Variants in MAP3K6 observed in about 807,000 individuals in gnomAD.
The protein encoded by MAP3K6 is mitogen-activated protein kinase kinase kinase 6, also known as apoptosis signal-regulating kinase 2.
Under a neutral mutation model 147.1 loss-of-function variants are expected in MAP3K6, and 105 were observed. The ratio of observed to expected loss-of-function variants is 0.71; its 90% confidence interval spans 0.61 to 0.84. The LOEUF is 0.84. MAP3K6 is among the 40% of genes least tolerant of loss of function. MAP3K6 has a pLI of 0.00. For missense variants in MAP3K6, 1,569 were observed against 1,715.0 expected (o/e 0.91, Z 1.50); for synonymous variants, 695 against 732.4 (o/e 0.95, Z 0.82).
At position 27,363,504 on chromosome 1, in the gene MAP3K6, C is replaced by G. The variant is rs757517058; in HGVS notation, c.909G>C (p.Leu303Phe). 3.1e-6 allele frequency: 5 copies of G among 1,613,682 alleles called. No individual in the cohort carries two copies. The highest frequency in any genetic ancestry group is 1.7e-5 in the Admixed American group (1 of 59,956). ...IIELVETLQA[L>F]PTCDVAEQHN... ...GCTGCTCGGCCACATCACAGGTGGG[C>G]AAGGCCTGCAGCGTCTCCACCAGCT... Residue 303 changes from leucine to phenylalanine, a missense_variant, in exon 6 of 29, where the codon TTG becomes TTC. Physicochemically the swap from Leu to Phe is conservative, Grantham distance 22. Transcript: ENST00000357582.
Position 27,357,572 on chromosome 1 carries a change from GC to G in MAP3K6, c.3085del (p.Ala1029ProfsTer38), listed in dbSNP as rs776406672. ...LHQEQKQEQG[A>X]RLGRNHVEEL... Reference sequence around the variant, plus strand: ...TTCCACATGGTTTCTGCCCAGACGGGCCCCCTGAGAAGGAAGAGAGGGGTTG... The same window carrying G: ...TTCCACATGGTTTCTGCCCAGACGGGCCCCTGAGAAGGAAGAGAGGGGTTG... On this transcript the variant is annotated frameshift_variant, in exon 23 of 29. Coordinates refer to ENST00000357582, the MANE Select transcript of MAP3K6 (RefSeq NM_004672.5). LOFTEE classifies it high-confidence loss of function. 5 of 1,606,904 alleles carry G rather than the reference GC, an allele frequency of 3.1e-6. No individual in the cohort carries two copies. The highest frequency in any genetic ancestry group is 1.3e-5 in the African/African-American group (1 of 74,738).
In MAP3K6 at chr1:27,364,883, G is replaced by A. The variant is rs2015920616; in HGVS notation, c.370C>T (p.Leu124=). The stretch of plus-strand genomic sequence containing the variant: ...TGGTAGAACAGGGAGGGCTGTACCA[G>A]CGAGCTGCTCACCTCCAGCACCACC... ...DVVVLEVSSS[L]VQPSLFYHLG... Residue 124 remains leucine (L), a synonymous_variant, in exon 2 of 29, where the codon CTG becomes TTG. Coordinates refer to ENST00000357582, the MANE Select transcript of MAP3K6 (RefSeq NM_004672.5). The surrounding 1 kb of genome is among the most constrained non-coding windows in gnomAD (Gnocchi z 4.4). 6.2e-7 allele frequency: 1 copy of A among 1,603,488 alleles called. No individual in the cohort carries two copies. Among genetic ancestry groups the A allele is most frequent in the African/African-American group, 1.3e-5 (1 of 74,888 alleles).
rs573728264 is a variant in MAP3K6 at position 27,362,241 on chromosome 1, A to C, written c.1265T>G (p.Leu422Arg). ...GCCTTTGCGGGCCAGCAGGCAGCCC[A>C]GCTTCATGCCTGGGGGAGAGAGGCA... ...SKELRLIGMKLGCLLARKGCV... is the reference protein window; with the variant it reads ...SKELRLIGMKRGCLLARKGCV... The change falls in exon 9 of 29, where the codon CTG becomes CGG. Residue 422 changes from leucine to arginine, a missense_variant. Physicochemically the swap from Leu to Arg is moderately radical, Grantham distance 102. Coordinates refer to ENST00000357582, the MANE Select transcript of MAP3K6 (RefSeq NM_004672.5). 1.2e-6 allele frequency: 2 copies of C among 1,610,820 alleles called. No homozygotes were observed. Among genetic ancestry groups the C allele is most frequent in the East Asian group, 2.2e-5 (1 of 44,862 alleles).
rs1299834127 is a variant in MAP3K6, at chr1:27,357,693, C to T, written c.3081+18G>A. On this transcript the variant is annotated intron_variant, in intron 22 of 28. Transcript: ENST00000357582. ...GACCCTTTGCGACCACCAGGGGGCGCTAGAGTGGGCCGCCCACCTGCTCTT... is the reference window on the plus strand; with the variant it reads ...GACCCTTTGCGACCACCAGGGGGCGTTAGAGTGGGCCGCCCACCTGCTCTT... 3 of 1,608,092 alleles carry T rather than the reference C, an allele frequency of 1.9e-6. 1 individual carries two copies. Among genetic ancestry groups the T allele is most frequent in the African/African-American group, 2.7e-5 (2 of 75,046 alleles).
rs11247641 is a variant in MAP3K6, at chr1:27,361,788, G to A, written c.1495C>T (p.Arg499Cys). The change falls in exon 10 of 29, where the codon CGC (arginine) becomes TGC (cysteine). Residue 499 changes from arginine (R) to cysteine (C), a missense_variant. Arg to Cys is a radical substitution (Grantham distance 180). Transcript: ENST00000357582. ...AAGTGGAGCCAGAAGTGGGCACGGC[G>A]TGGTGGCCCTCCAGGGGGCTCTGGC... ...PTPEPPGGPPRRAHFWLHFLL... is the reference protein window; with the variant it reads ...PTPEPPGGPPCRAHFWLHFLL... 2.4e-3 allele frequency: 3,810 copies of A among 1,611,710 alleles called. 90 individuals carry two copies. The African/African-American group carries it at 0.043, about 18-fold the overall frequency.
intron 12 of MAP3K6, 34 bp downstream of exon 12, chr1:27,361,312 C>T (rs749092978): frequency 1.9e-6 from 3 of 1,613,862 alleles, no homozygotes; most frequent in Non-Finnish European, 2.5e-6. Context: ...CCTCACCTCC[C>T]GTCTTTCCAG....
Position 27,355,706 on chromosome 1 carries a change from A to G in MAP3K6, c.3751T>C (p.Tyr1251His), listed in dbSNP as rs766148863. ...TAGATGAGGTCATCTCGAGTGGCAT[A>G]GGTGAGCAGAGTGTGGAGGGTGAAG... ...HSFTLHTLLT[Y>H]ATRDDLIYTR... is the part of the protein sequence containing the mutation. The change falls in exon 28 of 29, where the codon TAT (tyrosine) becomes CAT (histidine). Residue 1251 changes from tyrosine to histidine, a missense_variant. Tyr to His is a moderately conservative substitution (Grantham distance 83, BLOSUM62 2). Transcript: ENST00000357582. 1 of 1,611,474 alleles carries G rather than the reference A, an allele frequency of 6.2e-7. No homozygotes were observed. Among genetic ancestry groups the G allele is most frequent in the African/African-American group, 1.3e-5 (1 of 74,220 alleles).
rs750643341 is a variant in MAP3K6, at chr1:27,362,856, A to T, written c.1137T>A (p.Tyr379Ter). Reference sequence around the variant, plus strand: ...CCACTCACTGTGCTCTTTACCAGTGATAGGCCTGCTCCCGGTGCCCAGCAT... The same window carrying T: ...CCACTCACTGTGCTCTTTACCAGTGTTAGGCCTGCTCCCGGTGCCCAGCAT... ...FQDAGHREQAYHWYRKAFDVE... is the reference protein window; with the variant it reads ...FQDAGHREQA The change falls in exon 7 of 29, where the codon TAT becomes TAA. Residue 379 changes from tyrosine (Y) to a stop codon, truncating the protein, a stop_gained. Transcript: ENST00000357582. LOFTEE classifies it high-confidence loss of function. 6.2e-7 allele frequency: 1 copy of T among 1,613,932 alleles called. No homozygotes were observed. The highest frequency in any genetic ancestry group is 8.5e-7 in the Non-Finnish European group (1 of 1,179,930).
Position 27,366,535 on chromosome 1 carries a change from C to T in MAP3K6, c.63G>A (p.Leu21=). 1 of 1,102,956 alleles carries T rather than the reference C, an allele frequency of 9.1e-7. No individual in the cohort carries two copies. Among genetic ancestry groups the T allele is most frequent in the Non-Finnish European group, 1.1e-6 (1 of 906,828 alleles). The allele number at this position is 1,102,956 out of a possible 1,614,324, so 68.3% of individuals were successfully genotyped here. A position where few individuals can be genotyped will look rare whatever the true frequency, so the allele number is the denominator to read the frequency against. Residue 21 remains leucine (L), a synonymous_variant, in exon 1 of 29, where the codon CTG becomes CTA. Coordinates refer to ENST00000357582, the MANE Select transcript of MAP3K6 (RefSeq NM_004672.5). The surrounding 1 kb of genome is among the most constrained non-coding windows in gnomAD (Gnocchi z 5.5). Reference sequence around the variant, plus strand: ...GCCGGCCCCGGCTCAGCGCCACGGCCAGCGGGTCCTGCCAGCAGCTGCCGG... The same window carrying T: ...GCCGGCCCCGGCTCAGCGCCACGGCTAGCGGGTCCTGCCAGCAGCTGCCGG... ...ERAGSCWQDP[L]AVALSRGRQL...
intron 23 of MAP3K6, 68 bp downstream of exon 23, chr1:27,357,332 A>G (rs971846731): frequency 1.7e-5 from 26 of 1,530,926 alleles, no homozygotes; most frequent in Non-Finnish European, 1.9e-5. Context: ...AAGTCCTGGC[A>G]CCTCACCAGG....
chr1:27,355,208 C>A lies in MAP3K6; in HGVS notation c.*183G>T. 1 of 699,604 alleles carries A rather than the reference C, an allele frequency of 1.4e-6. No homozygotes were observed. The highest frequency in any genetic ancestry group is 2.1e-5 in the Admixed American group (1 of 48,110). 43.3% of individuals were successfully genotyped at this position (699,604 alleles called of 1,614,324 possible). ...GTTCAAAAGTGTTCTGTTTAATACG[C>A]TTTGTCTGGTAGTGCTTGGGTGCCT... On this transcript the variant is annotated 3_prime_UTR_variant, in exon 29 of 29. Transcript: ENST00000357582.
Position 27,364,075 on chromosome 1 carries a change from GGAAATAGCCACT to G in MAP3K6, c.696-2_705del. On this transcript the variant is annotated splice_acceptor_variant and coding_sequence_variant, in exon 5 of 29. Coordinates refer to ENST00000357582, the MANE Select transcript of MAP3K6 (RefSeq NM_004672.5). LOFTEE classifies it high-confidence loss of function. The surrounding 1 kb of genome is among the most constrained non-coding windows in gnomAD (Gnocchi z 4.4). ...CGGATGTCCCGCCGAATGGTCTCCC[GGAAATAGCCACT>G]GATGCCCAGGGTAGGGGAGGCAGGG... is the stretch of plus-strand genomic sequence containing the variant. 1.2e-6 allele frequency: 2 copies of G among 1,612,242 alleles called. No individual in the cohort carries two copies. Among genetic ancestry groups the G allele is most frequent in the Middle Eastern group, 3.3e-4 (2 of 6,056 alleles).
At chr1:27,365,212 T>C (rs146355647) in intron 1 of MAP3K6, among the ~76,000 whole-genome samples, 2 of 152,186 alleles carry the variant, frequency 1.3e-5, no homozygotes, top group East Asian at 3.9e-4. Context: ...TACGGGCCAT[T>C]TAGGAGGTGG....
In MAP3K6 at chr1:27,366,789, C is replaced by T. The variant is rs1258530303; in HGVS notation, c.-192G>A. 6 of 295,256 alleles carry T rather than the reference C, an allele frequency of 2.0e-5. No homozygotes were observed. The highest frequency in any genetic ancestry group is 6.3e-5 in the Admixed American group (1 of 15,792). The allele number at this position is 295,256 out of a possible 1,614,324, so 18.3% of individuals were successfully genotyped here. A position where few individuals can be genotyped will look rare whatever the true frequency, so the allele number is the denominator to read the frequency against. ...TAAAGTCCAGGGAGAAATCCTAGCTCGGACTTGCAAGGTCCTGAGGTTCTG... is the reference window on the plus strand; with the variant it reads ...TAAAGTCCAGGGAGAAATCCTAGCTTGGACTTGCAAGGTCCTGAGGTTCTG... On this transcript the variant is annotated 5_prime_UTR_variant, in exon 1 of 29. Coordinates refer to ENST00000357582, the MANE Select transcript of MAP3K6 (RefSeq NM_004672.5). The surrounding 1 kb of genome is among the most constrained non-coding windows in gnomAD (Gnocchi z 5.5).
intron 1 of MAP3K6, among the ~76,000 whole-genome samples, chr1:27,365,670 T>C (rs972329167): frequency 2.1e-5 from 3 of 145,912 alleles, no homozygotes; most frequent in Non-Finnish European, 3.0e-5. Context: ...CCATTCTTTC[T>C]GGGCCGCTGA....
Position 27,365,806 on chromosome 1 carries a change from G to T in MAP3K6, c.340+452C>A, listed in dbSNP as rs1017169496. 1.4e-4 allele frequency among the ~76,000 whole-genome samples: 22 copies of T among 151,982 alleles called. 1 individual carries two copies. Among genetic ancestry groups the T allele is most frequent in the African/African-American group, 3.9e-4 (16 of 41,354 alleles). Reference sequence around the variant, plus strand: ...AGGACTCCTGAACTCCAGCCTCCCGGCCCCTTTCCCTAAGTCCAAGCTCCT... The same window carrying T: ...AGGACTCCTGAACTCCAGCCTCCCGTCCCCTTTCCCTAAGTCCAAGCTCCT... On this transcript the variant is annotated intron_variant, in intron 1 of 28. Transcript: ENST00000357582.
At chr1:27,356,231 G>T in intron 26 of MAP3K6, 132 bp from the exon 27 acceptor site, 2 of 1,070,490 alleles carry the variant, frequency 1.9e-6, no homozygotes, top group Non-Finnish European at 2.8e-6. Flanking sequence ...GCCCAAGGGT[G>T]CCTTGTGCTA....
At position 27,364,176 on chromosome 1, in the gene MAP3K6, G is replaced by A. The variant is rs779908073; in HGVS notation, c.695+28C>T. 1.9e-6 allele frequency: 3 copies of A among 1,603,012 alleles called. No homozygotes were observed. Among genetic ancestry groups the A allele is most frequent in the Admixed American group, 3.4e-5 (2 of 59,668 alleles). On this transcript the variant is annotated intron_variant, in intron 4 of 28. Coordinates refer to ENST00000357582, the MANE Select transcript of MAP3K6 (RefSeq NM_004672.5). The surrounding 1 kb of genome is among the most constrained non-coding windows in gnomAD (Gnocchi z 4.4). ...CCATACCCTCACCAGCCCCCTCCTGGAGCACCCTCCCTGGGGGCCTTCATT... is the reference window on the plus strand; with the variant it reads ...CCATACCCTCACCAGCCCCCTCCTGAAGCACCCTCCCTGGGGGCCTTCATT...
At chr1:27,362,603 C>A in intron 8 of MAP3K6, 38 bp downstream of exon 8, 3 of 1,473,744 alleles carry the variant, frequency 2.0e-6, no homozygotes, top group Non-Finnish European at 2.8e-6. Context: ...CTCGGAACCC[C>A]TGTGGGTGAC....
Sources: gnomAD v4.1 joint callset for allele counts (sites outside exome capture counted in the v4.1 genomes callset) on GRCh38, gnomAD v4.1.1 for gene constraint, Gnocchi (gnomAD v3.1) non-coding constraint, MANE v1.5 for transcripts, NCBI Gene and HGNC (gene_info 2026-07-23, HGNC 2026-07-21) for gene names.